The following SLC24A2 variants were observed in gnomAD, a reference collection of about 807,000 sequenced individuals.
The protein encoded by SLC24A2 is sodium/potassium/calcium exchanger 2.
A neutral mutation model predicts 62.0 loss-of-function variants in SLC24A2; 36 were observed. The observed-to-expected ratio is 0.58, with a 90% CI of 0.44 to 0.77. The LOEUF is 0.77. Ranked by LOEUF, SLC24A2 falls within the 30% of genes least tolerant of loss-of-function variation. The probability of loss-of-function intolerance (pLI) is 0.00; values close to 1 mark genes in which losing one functional copy is unlikely to be tolerated. For synonymous variants in SLC24A2, 358 were observed against 294.0 expected (o/e 1.22, Z -2.23); for missense variants, 846 against 817.9 (o/e 1.03, Z -0.42).
the SLC24A2 span, among the ~76,000 whole-genome samples, chr9:20,114,387 C>T: frequency 6.6e-6 from 1 of 152,130 alleles, no homozygotes; most frequent in African/African-American, 2.4e-5. Context: ...TGGAGCTAAA[C>T]TAGTCCTATG....
chr9:19,790,102 C>T (rs1544081), upstream of SLC24A2, among the ~76,000 whole-genome samples: 34,964 of 150,796 alleles, frequency 0.23, 4,407 homozygotes, highest in East Asian at 0.47. Context: ...CTCAACTTTT[C>T]TTTTTCTTTC....
At chr9:19,728,456 T>C (rs1359468835) in intron 2 of SLC24A2, among the ~76,000 whole-genome samples, 1 of 152,184 alleles carries the variant, frequency 6.6e-6, no homozygotes, top group Non-Finnish European at 1.5e-5. Flanking sequence ...TTTCCAGGGC[T>C]TCAGGTCGGT....
chr9:19,785,725 T>C (rs751534263), intron 2 of SLC24A2, among the ~76,000 whole-genome samples: 4 of 152,234 alleles, frequency 2.6e-5, no homozygotes, highest in African/African-American at 4.8e-5. Context: ...CTGAAGCAAG[T>C]AGCTGAGGAA....
At chr9:20,165,601 A>C in the SLC24A2 span, among the ~76,000 whole-genome samples, 1 of 151,932 alleles carries the variant, frequency 6.6e-6, no homozygotes, top group Non-Finnish European at 1.5e-5. Context: ...AAAAGAAAAA[A>C]ATACAACCAT....
the SLC24A2 span, among the ~76,000 whole-genome samples, chr9:19,965,457 A>G: frequency 0.25 from 37,541 of 152,120 alleles, 5,708 homozygotes; most frequent in South Asian, 0.39. Context: ...TATTTCAACA[A>G]CTTGCACTAT....
chr9:19,662,586 A>C (rs1819134089), intron 2 of SLC24A2, among the ~76,000 whole-genome samples: 1 of 152,148 alleles, frequency 6.6e-6, no homozygotes, highest in Non-Finnish European at 1.5e-5. Flanking sequence ...GACAGAGACG[A>C]AGGAGTGTGC....
the SLC24A2 span, among the ~76,000 whole-genome samples, chr9:20,111,166 T>G: frequency 3.9e-5 from 6 of 152,204 alleles, no homozygotes; most frequent in Non-Finnish European, 7.3e-5. Flanking sequence ...TCCCTTGCCC[T>G]ACTGCATTTG....
At chr9:20,286,295 C>G in the SLC24A2 span, among the ~76,000 whole-genome samples, 1 of 152,188 alleles carries the variant, frequency 6.6e-6, no homozygotes, top group Admixed American at 6.5e-5. Context: ...CAGAAGAAAG[C>G]AGACCAGGGC....
chr9:19,762,180 T>TG (rs1241650438), intron 2 of SLC24A2, among the ~76,000 whole-genome samples: 1 of 152,218 alleles, frequency 6.6e-6, no homozygotes, highest in Non-Finnish European at 1.5e-5. Context: ...GTAAATTTGT[T>TG]GAAGTTCCTT....
the SLC24A2 span, among the ~76,000 whole-genome samples, chr9:20,168,846 T>G: frequency 2.6e-5 from 4 of 152,006 alleles, no homozygotes; most frequent in Non-Finnish European, 5.9e-5. Context: ...AGTTTCACTC[T>G]CAGGTGTGTA....
the SLC24A2 span, among the ~76,000 whole-genome samples, chr9:19,979,393 T>A: frequency 3.9e-5 from 6 of 152,136 alleles, no homozygotes; most frequent in Non-Finnish European, 5.9e-5. Flanking sequence ...ATATATATAT[T>A]CAGAGATGCA....
At chr9:19,931,252 G>T in the SLC24A2 span, among the ~76,000 whole-genome samples, 4 of 152,186 alleles carry the variant, frequency 2.6e-5, no homozygotes, top group African/African-American at 9.7e-5. Flanking sequence ...ATTCAAACTG[G>T]ACTGATAATT....
the SLC24A2 span, among the ~76,000 whole-genome samples, chr9:20,246,549 T>C: frequency 2.0e-4 from 31 of 152,210 alleles, no homozygotes; most frequent in African/African-American, 7.0e-4. Flanking sequence ...AAAATAAATA[T>C]ATCTCAGTCA....
the SLC24A2 span, among the ~76,000 whole-genome samples, chr9:20,160,759 C>A: frequency 4.6e-5 from 7 of 150,596 alleles, no homozygotes; most frequent in African/African-American, 1.7e-4. Context: ...ATTTAAATAA[C>A]AGGTAAGAGG....
the SLC24A2 span, among the ~76,000 whole-genome samples, chr9:20,081,312 G>C: frequency 4.1e-4 from 62 of 151,944 alleles, no homozygotes; most frequent in Non-Finnish European, 2.2e-4. Context: ...AAAATGATGA[G>C]TTCATGTCCT....
the SLC24A2 span, among the ~76,000 whole-genome samples, chr9:20,276,322 C>A: frequency 6.6e-6 from 1 of 152,216 alleles, no homozygotes; most frequent in African/African-American, 2.4e-5. Flanking sequence ...AGGCCCCATG[C>A]AAGTCCAAAA....
the SLC24A2 span, among the ~76,000 whole-genome samples, chr9:20,136,362 G>C: frequency 6.6e-6 from 1 of 152,104 alleles, no homozygotes. Flanking sequence ...TGAGACAAAG[G>C]AGCTGAGAAG....
intron 7 of SLC24A2, among the ~76,000 whole-genome samples, chr9:19,573,056 A>G (rs1835884770): frequency 6.6e-6 from 1 of 152,206 alleles, no homozygotes; most frequent in East Asian, 1.9e-4. Context: ...CACCTGGTAT[A>G]TGGCCCAGGG....
the SLC24A2 span, among the ~76,000 whole-genome samples, chr9:20,240,466 G>A: frequency 1.3e-5 from 2 of 152,186 alleles, no homozygotes; most frequent in Admixed American, 6.5e-5. Flanking sequence ...CAAGCATCAC[G>A]CTGTGGGATT....
Sources: allele counts gnomAD v4.1 joint callset (sites outside exome capture counted in the v4.1 genomes callset), GRCh38; gene constraint gnomAD v4.1.1; transcripts MANE v1.5; gene names NCBI Gene and HGNC (gene_info 2026-07-23, HGNC 2026-07-21).